The following EDIL3 variants were observed in gnomAD, a reference collection of about 807,000 sequenced individuals.
EDIL3 encodes EGF like and discoidin domains 3, also known as EGF-like repeat and discoidin I-like domain-containing protein 3.
Under a neutral mutation model 67.4 loss-of-function variants are expected in EDIL3, and 37 were observed. That is an observed-to-expected ratio of 0.55 (90% CI 0.42 to 0.72). The LOEUF is 0.72. Among genes scored for constraint, EDIL3 ranks in the 30% least tolerant of loss-of-function variants. EDIL3 has a pLI of 0.00. For synonymous variants in EDIL3, 195 were observed against 196.3 expected, an observed-to-expected ratio of 0.99 and a Z score of 0.05; for missense variants, 527 against 586.3, an observed-to-expected ratio of 0.90 and a Z score of 1.04.
At chr5:84,365,505 T>C (rs758712219) in intron 1 of EDIL3, among the ~76,000 whole-genome samples, 9 of 152,292 alleles carry the variant, frequency 5.9e-5, no homozygotes, top group Non-Finnish European at 1.0e-4. Flanking sequence ...ACTTATAGTC[T>C]ATCTTCAGAA....
chr5:84,368,446 G>A (rs1274863859), intron 1 of EDIL3, among the ~76,000 whole-genome samples: 3 of 152,064 alleles, frequency 2.0e-5, no homozygotes, highest in African/African-American at 7.2e-5. Flanking sequence ...GAATGAAGTT[G>A]AGCACTTACC....
At position 84,019,312 on chromosome 5, in the gene EDIL3, A is replaced by G. The variant is rs542387451; in HGVS notation, c.1137+40988T>C. Reference sequence around the variant, plus strand: ...TCACAAGGACAAAAAACCAAACACCACATGTTCTCACTCATAGGTGGGAAT... The same window carrying G: ...TCACAAGGACAAAAAACCAAACACCGCATGTTCTCACTCATAGGTGGGAAT... On this transcript the variant is annotated intron_variant, in intron 9 of 10. Transcript: ENST00000296591. 3.9e-3 allele frequency among the ~76,000 whole-genome samples: 584 copies of G among 151,668 alleles called. 4 individuals carry two copies. Among genetic ancestry groups the G allele is most frequent in the African/African-American group, 0.014 (560 of 41,354 alleles).
At chr5:84,141,955 C>CGA (rs1580346789) in intron 4 of EDIL3, among the ~76,000 whole-genome samples, 12 of 121,624 alleles carry the variant, frequency 9.9e-5, no homozygotes, top group African/African-American at 3.5e-4. Context: ...ATACATAGAT[C>CGA]TATCTATCTA....
chr5:83,996,592 G>T (rs1745242123), intron 9 of EDIL3, among the ~76,000 whole-genome samples: 1 of 152,166 alleles, frequency 6.6e-6, no homozygotes, highest in African/African-American at 2.4e-5. Flanking sequence ...CTTTTGCTAG[G>T]TTCTGGGTAC....
chr5:84,167,222 T>C (rs987313340), intron 4 of EDIL3, among the ~76,000 whole-genome samples: 1 of 151,988 alleles, frequency 6.6e-6, no homozygotes, highest in African/African-American at 2.4e-5. Context: ...TAAGAGGTGA[T>C]TAAAATCTGA....
chr5:84,189,534 A>C (rs144870273), intron 3 of EDIL3, among the ~76,000 whole-genome samples: 3 of 152,160 alleles, frequency 2.0e-5, no homozygotes. Flanking sequence ...ATAACCAATC[A>C]CAGCAAAAGA....
chr5:84,362,027 T>C (rs190398744), intron 1 of EDIL3, among the ~76,000 whole-genome samples: 2 of 152,168 alleles, frequency 1.3e-5, no homozygotes, highest in Admixed American at 1.3e-4. Context: ...AGATACATAA[T>C]AAAATGAACT....
At position 84,167,856 on chromosome 5, in the gene EDIL3, T is replaced by G. The variant is rs140090896; in HGVS notation, c.355+12537A>C. ...AAATTCTCAGCTCTTTCAACAACCA[T>G]GCTGTCATTATCCAAATAAACTGCA... On this transcript the variant is annotated intron_variant, in intron 4 of 10. Coordinates refer to ENST00000296591, the MANE Select transcript of EDIL3 (RefSeq NM_005711.5). Among the ~76,000 whole-genome samples the G allele has an allele frequency of 3.2e-3, 485 of 152,266 alleles. 3 individuals are homozygous for G. The highest frequency in any genetic ancestry group is 0.011 in the African/African-American group (439 of 41,562).
intron 6 of EDIL3, among the ~76,000 whole-genome samples, chr5:84,101,017 C>T (rs1178275978): frequency 6.6e-6 from 1 of 151,944 alleles, no homozygotes; most frequent in African/African-American, 2.4e-5. Context: ...ACCTACAACA[C>T]CAATAGTTTT....
In EDIL3 at chr5:84,095,094, T is replaced by C. The variant is rs1433248752; in HGVS notation, c.651+11555A>G. 3.3e-5 allele frequency among the ~76,000 whole-genome samples: 5 copies of C among 152,312 alleles called. No individual in the cohort carries two copies. In the East Asian group the frequency reaches 9.6e-4, roughly 29 times the overall value. ...CACATCATCAAGCAAAAGTGTTTTT[T>C]ATTTTATTTATTTATATTTTTACTG... On this transcript the variant is annotated intron_variant, in intron 6 of 10. Transcript: ENST00000296591.
At chr5:84,214,398 C>T (rs985044586) in intron 3 of EDIL3, among the ~76,000 whole-genome samples, 1 of 151,702 alleles carries the variant, frequency 6.6e-6, no homozygotes, top group South Asian at 2.1e-4. Flanking sequence ...ATGTATAACC[C>T]CCGCCCCCCG....
intron 1 of EDIL3, among the ~76,000 whole-genome samples, chr5:84,382,102 G>A (rs1344009281): frequency 2.0e-5 from 3 of 152,224 alleles, no homozygotes; most frequent in African/African-American, 7.2e-5. Context: ...AAAAATTAGA[G>A]AGGTGCAAGT....
intron 1 of EDIL3, among the ~76,000 whole-genome samples, chr5:84,371,180 T>A (rs1747836545): frequency 6.6e-6 from 1 of 151,190 alleles, no homozygotes; most frequent in Non-Finnish European, 1.5e-5. Context: ...ATGATGTGTA[T>A]GTAAGTGTGT....
chr5:84,046,809 T>C (rs145410860), intron 9 of EDIL3, among the ~76,000 whole-genome samples: 8 of 152,318 alleles, frequency 5.3e-5, no homozygotes, highest in Admixed American at 2.6e-4. Context: ...AGTCATCTAA[T>C]TTGCATTATC....
At chr5:84,371,446 T>TAG (rs1332566516) in intron 1 of EDIL3, among the ~76,000 whole-genome samples, 4 of 87,086 alleles carry the variant, frequency 4.6e-5, no homozygotes, top group Non-Finnish European at 7.5e-5. Context: ...TATATATATA[T>TAG]ATATAGAGAG....
At chr5:84,107,612 A>C (rs1359351246) in intron 5 of EDIL3, among the ~76,000 whole-genome samples, 1 of 151,448 alleles carries the variant, frequency 6.6e-6, no homozygotes, top group Non-Finnish European at 1.5e-5. Flanking sequence ...GAGAAACTTA[A>C]GAAAATTTTC....
chr5:84,181,599 T>C (rs543630921), intron 3 of EDIL3, among the ~76,000 whole-genome samples: 49 of 152,280 alleles, frequency 3.2e-4, no homozygotes, highest in African/African-American at 1.1e-3. Context: ...TCTTGCTCTC[T>C]CTCCCCTTTG....
intron 6 of EDIL3, among the ~76,000 whole-genome samples, chr5:84,068,996 A>C (rs1746688854): frequency 6.6e-6 from 1 of 152,202 alleles, no homozygotes; most frequent in South Asian, 2.1e-4. Context: ...ATTTTGTGAT[A>C]TCTCTGTAAA....
chr5:84,037,235 A>G (rs1746038208), intron 9 of EDIL3, among the ~76,000 whole-genome samples: 1 of 152,182 alleles, frequency 6.6e-6, no homozygotes, highest in African/African-American at 2.4e-5. Context: ...CTCAGCTACT[A>G]TGATTGGACC....
Sources: gnomAD v4.1 joint callset for allele counts (sites outside exome capture counted in the v4.1 genomes callset) on GRCh38, gnomAD v4.1.1 for gene constraint, MANE v1.5 for transcripts, NCBI Gene and HGNC (gene_info 2026-07-23, HGNC 2026-07-21) for gene names.